Variants in MDGA2 observed in about 807,000 individuals in gnomAD.
MDGA2 encodes MAM domain-containing glycosylphosphatidylinositol anchor protein 2.
In MDGA2, 40 loss-of-function variants were observed where a neutral mutation model predicts 117.8. The observed-to-expected ratio is 0.34, with a 90% confidence interval of 0.26 to 0.44. The LOEUF (loss-of-function observed/expected upper bound fraction) is 0.44, where lower values mean the gene tolerates loss of function less well. Ranked by LOEUF, MDGA2 falls within the 20% of genes least tolerant of loss-of-function variation. The pLI is 1.00. For synonymous variants in MDGA2, 452 were observed against 439.0 expected (o/e 1.03, Z -0.37); for missense variants, 1,123 against 1,250.6 (o/e 0.90, Z 1.54).
rs17118894 is a variant in MDGA2, at chr14:47,538,159, G to T, written c.280+136358C>A. 6.7e-3 allele frequency among the ~76,000 whole-genome samples: 1,014 copies of T among 152,190 alleles called. 15 individuals are homozygous for T. Among genetic ancestry groups the T allele is most frequent in the African/African-American group, 0.023 (971 of 41,506 alleles). On this transcript the variant is annotated intron_variant, in intron 1 of 16. Transcript: ENST00000399232. ...TAGTTAAACAAATGTATGATGTTTCGAATCTGTGCTAGCACGTTGTAACCA... is the reference window on the plus strand; with the variant it reads ...TAGTTAAACAAATGTATGATGTTTCTAATCTGTGCTAGCACGTTGTAACCA...
rs749371957 is a variant in MDGA2, at chr14:47,087,460, C to CAAAAAA, written c.1195+9388_1195+9393dup. 7.1e-3 allele frequency among the ~76,000 whole-genome samples: 482 copies of CAAAAAA among 67,588 alleles called. 2 individuals are homozygous for CAAAAAA. The highest frequency in any genetic ancestry group is 0.011 in the Middle Eastern group (1 of 90). 44.3% of individuals were successfully genotyped at this position (67,588 alleles called of 152,430 possible). ...TAAACACAAGAGGCAGACTCCACAT[C>CAAAAAA]AAAAAAAAAAAAAAAAAAAAAAAGA... On this transcript the variant is annotated intron_variant, in intron 6 of 16. Transcript: ENST00000399232.
At chr14:47,001,016 C>T (rs1887513099) in intron 8 of MDGA2, among the ~76,000 whole-genome samples, 1 of 151,858 alleles carries the variant, frequency 6.6e-6, no homozygotes. Flanking sequence ...GTGGACAGAA[C>T]ATAAAATACT....
intron 1 of MDGA2, among the ~76,000 whole-genome samples, chr14:47,532,323 G>T (rs1895117661): frequency 6.6e-6 from 1 of 152,084 alleles, no homozygotes; most frequent in Admixed American, 6.6e-5. Context: ...AACCTTGACA[G>T]GTCCTGACTT....
chr14:47,074,097 ATAAT>A (rs1025453477), intron 6 of MDGA2, among the ~76,000 whole-genome samples: 34 of 151,470 alleles, frequency 2.2e-4, no homozygotes, highest in Non-Finnish European at 4.6e-4. Flanking sequence ...TCATAATTAA[ATAAT>A]TAATGATTAA....
intron 8 of MDGA2, among the ~76,000 whole-genome samples, chr14:47,007,239 T>C (rs1887744574): frequency 6.6e-6 from 1 of 151,814 alleles, no homozygotes; most frequent in Admixed American, 6.6e-5. Context: ...TGTTATGTAT[T>C]GAACAAGCAG....
At chr14:46,843,176 T>C (rs2138263090) in intron 16 of MDGA2, among the ~76,000 whole-genome samples, 1 of 152,298 alleles carries the variant, frequency 6.6e-6, no homozygotes, top group East Asian at 1.9e-4. Context: ...TGTTCTATTG[T>C]AATAGAACTT....
chr14:46,981,019 A>T (rs1001128563), intron 8 of MDGA2, among the ~76,000 whole-genome samples: 5 of 152,170 alleles, frequency 3.3e-5, no homozygotes, highest in African/African-American at 1.2e-4. Flanking sequence ...TTGACTTTAA[A>T]AAGCCTTTAT....
At chr14:47,221,462 G>C (rs1469535995) in intron 2 of MDGA2, among the ~76,000 whole-genome samples, 3 of 152,212 alleles carry the variant, frequency 2.0e-5, no homozygotes, top group African/African-American at 7.2e-5. Flanking sequence ...GCCGAGGCAG[G>C]CGGATCACGA....
chr14:47,034,738 A>G (rs1026894953), intron 8 of MDGA2, among the ~76,000 whole-genome samples: 1 of 78,494 alleles, frequency 1.3e-5, no homozygotes, highest in African/African-American at 4.1e-5. Flanking sequence ...ATACACACAC[A>G]CACACACACA....
intron 1 of MDGA2, among the ~76,000 whole-genome samples, chr14:47,418,539 A>G (rs937426788): frequency 1.3e-5 from 2 of 152,150 alleles, no homozygotes; most frequent in African/African-American, 2.4e-5. Flanking sequence ...CCTTGAGCCT[A>G]TTTTATGAAG....
At chr14:47,367,543 T>C (rs989017511) in intron 1 of MDGA2, among the ~76,000 whole-genome samples, 4 of 152,218 alleles carry the variant, frequency 2.6e-5, no homozygotes, top group Admixed American at 2.6e-4. Flanking sequence ...ATGCCAATTT[T>C]CTAATTTTGA....
rs111503102 is a variant in MDGA2, at chr14:47,552,332, C to G, written c.280+122185G>C. Among the ~76,000 whole-genome samples, 885 of 152,284 alleles carry G rather than the reference C, an allele frequency of 5.8e-3. 6 individuals are homozygous for G. Among genetic ancestry groups the G allele is most frequent in the Non-Finnish European group, 0.01 (681 of 68,026 alleles). ...TCCAACTGTCTACTCAATGACTCCA[C>G]CTGGATATTAAATGGGCATTTCCAA... On this transcript the variant is annotated intron_variant, in intron 1 of 16. Coordinates refer to ENST00000399232, the MANE Select transcript of MDGA2 (RefSeq NM_001113498.3).
intron 6 of MDGA2, among the ~76,000 whole-genome samples, chr14:47,077,473 GTTC>G (rs1344428133): frequency 2.0e-5 from 3 of 151,864 alleles, no homozygotes; most frequent in African/African-American, 7.3e-5. Context: ...TCTTAGTTGT[GTTC>G]TTCTGGGCTC....
At chr14:47,082,756 A>C (rs187035341) in intron 6 of MDGA2, among the ~76,000 whole-genome samples, 1 of 152,190 alleles carries the variant, frequency 6.6e-6, no homozygotes, top group East Asian at 1.9e-4. Context: ...CAGATGATCA[A>C]AACAGGTGTT....
chr14:47,165,325 T>C (rs1271254692), intron 3 of MDGA2, among the ~76,000 whole-genome samples: 8 of 152,230 alleles, frequency 5.3e-5, no homozygotes, highest in African/African-American at 1.9e-4. Context: ...AAAAGACCTG[T>C]GAAGTTTCTG....
At chr14:47,154,582 T>C (rs565223416) in intron 3 of MDGA2, among the ~76,000 whole-genome samples, 1 of 152,292 alleles carries the variant, frequency 6.6e-6, no homozygotes, top group South Asian at 2.1e-4. Context: ...CAGCACTGGC[T>C]CCAATTTTGG....
At chr14:47,328,053 T>C (rs1890193576) in intron 1 of MDGA2, among the ~76,000 whole-genome samples, 1 of 152,182 alleles carries the variant, frequency 6.6e-6, no homozygotes, top group African/African-American at 2.4e-5. Flanking sequence ...ATTGTGTTTG[T>C]GAGAAACAAA....
chr14:47,186,242 C>A (rs1051918469), intron 3 of MDGA2, among the ~76,000 whole-genome samples: 1 of 151,538 alleles, frequency 6.6e-6, no homozygotes, highest in South Asian at 2.1e-4. Context: ...ACAACTCCCA[C>A]CCCATATCAA....
At chr14:47,523,025 C>T (rs1306742178) in intron 1 of MDGA2, among the ~76,000 whole-genome samples, 1 of 152,174 alleles carries the variant, frequency 6.6e-6, no homozygotes, top group Non-Finnish European at 1.5e-5. Context: ...CAAATTAAAG[C>T]TGCCCTTTGC....
Sources: gnomAD v4.1 joint callset for allele counts (sites outside exome capture counted in the v4.1 genomes callset) on GRCh38, gnomAD v4.1.1 for gene constraint, MANE v1.5 for transcripts, NCBI Gene and HGNC (gene_info 2026-07-23, HGNC 2026-07-21) for gene names.